ARMH4: variants seen among roughly 807,000 people sequenced by gnomAD.
ARMH4 encodes the protein armadillo like helical domain containing 4.
In ARMH4, 49 loss-of-function variants were observed where a neutral mutation model predicts 61.9. The ratio of observed to expected loss-of-function variants is 0.79; its 90% CI spans 0.63 to 1.00. The LOEUF is 1.00. Among genes scored for constraint, ARMH4 ranks in the 50% least tolerant of loss-of-function variants. The probability of loss-of-function intolerance (pLI) is 0.00; values close to 1 mark genes in which losing one functional copy is unlikely to be tolerated. For synonymous variants in ARMH4, 368 were observed against 341.5 expected, an observed-to-expected ratio of 1.08 and a Z score of -0.85; for missense variants, 934 against 930.0, an observed-to-expected ratio of 1.00 and a Z score of -0.06.
chr14:58,053,299 C>T (rs1312012571), intron 5 of ARMH4, among the ~76,000 whole-genome samples: 3 of 152,232 alleles, frequency 2.0e-5, no homozygotes, highest in Non-Finnish European at 4.4e-5. Flanking sequence ...CATTCCATGG[C>T]ACCCATGTGC....
In ARMH4 at chr14:58,148,829, A is replaced by G. The variant is rs193117971; in HGVS notation, c.-57+3246T>C. On this transcript the variant is annotated intron_variant, in intron 1 of 7. Coordinates refer to ENST00000267485, the MANE Select transcript of ARMH4 (RefSeq NM_001001872.4). ...TGTGTTCTCATTTCTGCTATATTTT[A>G]AGGTTTCAGAGTTTATTACACACAC... Among the ~76,000 whole-genome samples, 449 of 149,004 alleles carry G rather than the reference A, an allele frequency of 3.0e-3. 2 individuals are homozygous for G. Among genetic ancestry groups the G allele is most frequent in the Non-Finnish European group, 5.0e-3 (336 of 67,534 alleles).
At chr14:58,075,680 A>G (rs1230078755) in intron 5 of ARMH4, among the ~76,000 whole-genome samples, 1 of 152,306 alleles carries the variant, frequency 6.6e-6, no homozygotes, top group East Asian at 1.9e-4. Context: ...GCAGCAAACC[A>G]CTATGGCACA....
intron 5 of ARMH4, among the ~76,000 whole-genome samples, chr14:58,093,279 A>T (rs929239419): frequency 6.6e-6 from 1 of 152,012 alleles, no homozygotes; most frequent in Admixed American, 6.6e-5. Flanking sequence ...ACAAACTAAT[A>T]ATACACCTGG....
At chr14:58,030,797 T>A (rs1294289808) in intron 5 of ARMH4, among the ~76,000 whole-genome samples, 3 of 152,210 alleles carry the variant, frequency 2.0e-5, no homozygotes, top group African/African-American at 7.2e-5. Context: ...CTAACTTCCT[T>A]TTTAAGCATA....
intron 5 of ARMH4, among the ~76,000 whole-genome samples, chr14:58,084,159 A>G (rs952249793): frequency 2.7e-4 from 41 of 152,176 alleles, no homozygotes; most frequent in Non-Finnish European, 5.7e-4. Context: ...CAAAGTGAGA[A>G]TGATGACCAG....
chr14:58,079,079 C>T (rs1029141095), intron 5 of ARMH4, among the ~76,000 whole-genome samples: 35 of 152,286 alleles, frequency 2.3e-4, no homozygotes, highest in African/African-American at 7.7e-4. Flanking sequence ...ACCCTTTTGA[C>T]CTGTGGCACA....
chr14:58,021,955 T>C (rs1375743353), intron 5 of ARMH4, among the ~76,000 whole-genome samples: 2 of 152,186 alleles, frequency 1.3e-5, no homozygotes, highest in South Asian at 2.1e-4. Flanking sequence ...TACACTGGTA[T>C]AGTATAGTAG....
intron 4 of ARMH4, among the ~76,000 whole-genome samples, chr14:58,121,422 T>C (rs1886718453): frequency 6.6e-6 from 1 of 152,186 alleles, no homozygotes; most frequent in South Asian, 2.1e-4. Context: ...ATTGCAATTA[T>C]ACCAATAAAT....
chr14:58,075,168 T>C (rs1451620307), intron 5 of ARMH4, among the ~76,000 whole-genome samples: 1 of 152,208 alleles, frequency 6.6e-6, no homozygotes, highest in Non-Finnish European at 1.5e-5. Flanking sequence ...GAGTGTAAAT[T>C]AGTTCAACCA....
intron 5 of ARMH4, among the ~76,000 whole-genome samples, chr14:58,064,767 C>G (rs1346548796): frequency 1.3e-5 from 2 of 152,104 alleles, no homozygotes; most frequent in Non-Finnish European, 2.9e-5. Context: ...GTTGATCAAG[C>G]AGGGTTAACA....
Position 58,002,615 on chromosome 14 carries a change from C to G in ARMH4, c.*2121G>C, listed in dbSNP as rs770848512. 2 of 152,338 alleles carry G rather than the reference C, an allele frequency of 1.3e-5. No individual in the cohort carries two copies. Among genetic ancestry groups the G allele is most frequent in the South Asian group, 2.1e-4 (1 of 4,826 alleles). 9.4% of individuals were successfully genotyped at this position (152,338 alleles called of 1,614,324 possible). Reference sequence around the variant, plus strand: ...TGCTACTCAGTTAAGTGGCCTACGACGTATTCTCAACAAATAGTTTGTCAA... The same window carrying G: ...TGCTACTCAGTTAAGTGGCCTACGAGGTATTCTCAACAAATAGTTTGTCAA... On this transcript the variant is annotated 3_prime_UTR_variant, in exon 8 of 8. Coordinates refer to ENST00000267485, the MANE Select transcript of ARMH4 (RefSeq NM_001001872.4).
intron 4 of ARMH4, among the ~76,000 whole-genome samples, chr14:58,106,982 T>C (rs1284910315): frequency 6.6e-6 from 1 of 152,174 alleles, no homozygotes; most frequent in Non-Finnish European, 1.5e-5. Flanking sequence ...AGCCATGGGT[T>C]AACTCTCAAC....
chr14:58,118,103 A>C (rs1886592845), intron 4 of ARMH4, among the ~76,000 whole-genome samples: 1 of 152,118 alleles, frequency 6.6e-6, no homozygotes, highest in Non-Finnish European at 1.5e-5. Flanking sequence ...GGCTTCATAG[A>C]GGAGAATAAG....
chr14:58,063,500 T>C (rs1884596696), intron 5 of ARMH4, among the ~76,000 whole-genome samples: 1 of 152,210 alleles, frequency 6.6e-6, no homozygotes. Flanking sequence ...TGTGTTCTTT[T>C]AAAATAACAT....
At chr14:58,005,301 T>C in intron 6 of ARMH4, 119 bp from the exon 7 acceptor site, 2 of 1,320,768 alleles carry the variant, frequency 1.5e-6, no homozygotes, top group Non-Finnish European at 2.1e-6. Flanking sequence ...TCTGCTTTGT[T>C]GTAAGATAAA....
intron 5 of ARMH4, among the ~76,000 whole-genome samples, chr14:58,044,939 G>A (rs997459086): frequency 3.9e-4 from 60 of 152,132 alleles, no homozygotes; most frequent in East Asian, 7.7e-4. Context: ...TTAGAATGGT[G>A]ATCATTAAAA....
In ARMH4 at chr14:58,135,556, A is replaced by G. The variant is rs1887275862; in HGVS notation, c.1370-2215T>C. Among the ~76,000 whole-genome samples the G allele has an allele frequency of 2.6e-5, 4 of 152,300 alleles. 1 individual carries two copies. In the South Asian group the frequency reaches 8.3e-4, roughly 32 times the overall value. ...ATAAATAATTGCTGTTAGAAAAGTG[A>G]GAACTAGAAATAGTAATAAAATTTT... On this transcript the variant is annotated intron_variant, in intron 2 of 7. Transcript: ENST00000267485.
intron 3 of ARMH4, 132 bp downstream of exon 3, chr14:58,132,958 T>G (rs1256783862): frequency 1.6e-5 from 7 of 432,232 alleles, no homozygotes; most frequent in South Asian, 3.9e-5. Flanking sequence ...CAGGTAAAGG[T>G]GTGTGTGTGT....
chr14:58,083,510 G>A (rs765533684), intron 5 of ARMH4, among the ~76,000 whole-genome samples: 44 of 152,256 alleles, frequency 2.9e-4, no homozygotes, highest in Non-Finnish European at 6.2e-4. Flanking sequence ...TTGAACTCGG[G>A]AGGCAGAGGT....
Sources: gnomAD v4.1 joint callset for allele counts (sites outside exome capture counted in the v4.1 genomes callset) on GRCh38, gnomAD v4.1.1 for gene constraint, MANE v1.5 for transcripts, NCBI Gene and HGNC (gene_info 2026-07-23, HGNC 2026-07-21) for gene names.